MTUS2: variants seen among roughly 807,000 people sequenced by gnomAD.
MTUS2 encodes microtubule-associated tumor suppressor candidate 2.
A neutral mutation model predicts 114.1 loss-of-function variants in MTUS2; 40 were observed. That is an observed-to-expected ratio of 0.35 (90% CI 0.27 to 0.46). MTUS2 has a LOEUF of 0.46. MTUS2 is among the 20% of genes least tolerant of loss of function. The probability of loss-of-function intolerance (pLI) is 1.00; values close to 1 mark genes in which losing one functional copy is unlikely to be tolerated. For synonymous variants in MTUS2, 688 were observed against 672.0 expected (o/e 1.02, Z -0.37); for missense variants, 1,679 against 1,705.4 (o/e 0.98, Z 0.27).
At chr13:28,946,645 T>A (rs1882548716) in intron 2 of MTUS2, among the ~76,000 whole-genome samples, 1 of 152,216 alleles carries the variant, frequency 6.6e-6, no homozygotes, top group African/African-American at 2.4e-5. Flanking sequence ...AGTAATTTTC[T>A]CAAACAATTT....
chr13:29,027,534 T>C (rs565224764), intron 3 of MTUS2, among the ~76,000 whole-genome samples: 1 of 152,258 alleles, frequency 6.6e-6, no homozygotes, highest in Admixed American at 6.5e-5. Context: ...CAGTTTTTTG[T>C]TTGTTTATGT....
At chr13:28,905,943 G>T (rs2137983694) in intron 2 of MTUS2, among the ~76,000 whole-genome samples, 1 of 151,728 alleles carries the variant, frequency 6.6e-6, no homozygotes, top group South Asian at 2.1e-4. Flanking sequence ...CCTGTTATTG[G>T]TCTATTCAGA....
At chr13:28,878,690 TA>T (rs1228106098) in intron 2 of MTUS2, among the ~76,000 whole-genome samples, 1 of 152,248 alleles carries the variant, frequency 6.6e-6, no homozygotes, top group Admixed American at 6.5e-5. Flanking sequence ...CATAGTATTC[TA>T]TGGTGTATAT....
chr13:29,113,646 G>A (rs1890969424), intron 5 of MTUS2, among the ~76,000 whole-genome samples: 1 of 152,108 alleles, frequency 6.6e-6, no homozygotes, highest in Non-Finnish European at 1.5e-5. Flanking sequence ...GGATAGTACA[G>A]TTCTAGACTG....
chr13:28,990,762 C>T (rs541793203), intron 2 of MTUS2, among the ~76,000 whole-genome samples: 1 of 152,314 alleles, frequency 6.6e-6, no homozygotes, highest in South Asian at 2.1e-4. Context: ...CTTGGGTCCC[C>T]TTCCAGGCTG....
At chr13:28,835,523 A>G (rs1410597628) in intron 1 of MTUS2, among the ~76,000 whole-genome samples, 1 of 152,116 alleles carries the variant, frequency 6.6e-6, no homozygotes, top group Non-Finnish European at 1.5e-5. Flanking sequence ...AGTATCTGCT[A>G]ATGGTCTGGG....
chr13:29,382,369 T>G (rs1593376178), intron 8 of MTUS2, among the ~76,000 whole-genome samples: 1 of 151,040 alleles, frequency 6.6e-6, no homozygotes, highest in Admixed American at 6.6e-5. Flanking sequence ...TGGGGGAGGG[T>G]GATGGGGGCC....
chr13:29,185,886 T>C (rs181911147), intron 5 of MTUS2, among the ~76,000 whole-genome samples: 108 of 152,210 alleles, frequency 7.1e-4, no homozygotes, highest in Middle Eastern at 3.4e-3. Flanking sequence ...AAAAAGGACA[T>C]TATAGAAGTT....
At chr13:29,278,889 A>G (rs573999601) in intron 5 of MTUS2, among the ~76,000 whole-genome samples, 3 of 152,294 alleles carry the variant, frequency 2.0e-5, no homozygotes, top group East Asian at 3.9e-4. Flanking sequence ...ATTTACCTCA[A>G]TCCTTTCCTT....
chr13:29,159,695 C>CTCACTGAAGAAAGAAAAAAAAAA (rs2139072656), intron 5 of MTUS2, among the ~76,000 whole-genome samples: 1 of 152,044 alleles, frequency 6.6e-6, no homozygotes, highest in South Asian at 2.1e-4. Flanking sequence ...TATGAGCAGC[C>CTCACTGAAGAAAGAAAAAAAAAA]ATCTCACTGA....
intron 8 of MTUS2, among the ~76,000 whole-genome samples, chr13:29,385,803 A>G (rs1216508969): frequency 2.0e-5 from 3 of 152,170 alleles, no homozygotes; most frequent in Non-Finnish European, 2.9e-5. Context: ...GTTTGCCAAA[A>G]TGGAAGGACT....
chr13:29,218,171 C>A (rs1895759412), intron 5 of MTUS2, among the ~76,000 whole-genome samples: 1 of 152,044 alleles, frequency 6.6e-6, no homozygotes, highest in African/African-American at 2.4e-5. Flanking sequence ...CACCTAAAAA[C>A]CCCAGTGTTT....
At chr13:28,922,117 G>T (rs1359095043) in intron 2 of MTUS2, among the ~76,000 whole-genome samples, 1 of 152,166 alleles carries the variant, frequency 6.6e-6, no homozygotes, top group East Asian at 1.9e-4. Flanking sequence ...AGATCTGGTT[G>T]TTTAAAAGTG....
At chr13:28,844,195 G>C (rs2137999441) in intron 2 of MTUS2, among the ~76,000 whole-genome samples, 1 of 152,330 alleles carries the variant, frequency 6.6e-6, no homozygotes, top group Non-Finnish European at 1.5e-5. Context: ...TGGGGCAGAA[G>C]CTGGGGAGTT....
rs74508185 is a variant in MTUS2 at position 28,966,418 on chromosome 13, C to T, written c.-242-58039C>T. Among the ~76,000 whole-genome samples, 983 of 152,112 alleles carry T rather than the reference C, an allele frequency of 6.5e-3. 14 individuals carry two copies. Among genetic ancestry groups the T allele is most frequent in the African/African-American group, 0.022 (894 of 41,478 alleles). The stretch of plus-strand genomic sequence containing the variant: ...AGATAATTTTCTATTCATGTTTATG[C>T]CTAATTCAAGAATTGGCTATCGGCT... On this transcript the variant is annotated intron_variant, in intron 2 of 15. Transcript: ENST00000612955.
At chr13:28,992,330 T>A (rs1362645799) in intron 2 of MTUS2, among the ~76,000 whole-genome samples, 5 of 152,136 alleles carry the variant, frequency 3.3e-5, no homozygotes, top group Non-Finnish European at 7.4e-5. Flanking sequence ...TTTTCCATGG[T>A]GGCAAGTTGA....
intron 6 of MTUS2, among the ~76,000 whole-genome samples, chr13:29,284,644 A>G (rs979121576): frequency 7.9e-5 from 12 of 152,232 alleles, no homozygotes; most frequent in Admixed American, 2.0e-4. Context: ...TACATTCCCA[A>G]TGGTATATAC....
chr13:28,925,598 C>T (rs1179319345), intron 2 of MTUS2, among the ~76,000 whole-genome samples: 2 of 152,168 alleles, frequency 1.3e-5, no homozygotes, highest in African/African-American at 4.8e-5. Flanking sequence ...GAGAGAAACT[C>T]TACCTCATGG....
At chr13:29,434,663 G>A (rs1203347879) in intron 8 of MTUS2, among the ~76,000 whole-genome samples, 2 of 152,170 alleles carry the variant, frequency 1.3e-5, no homozygotes, top group Non-Finnish European at 2.9e-5. Flanking sequence ...AGAATCACAC[G>A]GATGATGCTA....
Sources: gnomAD v4.1 joint callset for allele counts (sites outside exome capture counted in the v4.1 genomes callset) on GRCh38, gnomAD v4.1.1 for gene constraint, MANE v1.5 for transcripts, NCBI Gene and HGNC (gene_info 2026-07-23, HGNC 2026-07-21) for gene names.